The following IGSF3 variants were observed in gnomAD, a reference collection of about 807,000 sequenced individuals.
IGSF3 encodes immunoglobulin superfamily member 3.
In IGSF3, 23 loss-of-function variants were observed where a neutral mutation model predicts 114.4. That is an observed-to-expected ratio of 0.20 (90% CI 0.14 to 0.28). The LOEUF (loss-of-function observed/expected upper bound fraction) is 0.28. Among genes scored for constraint, IGSF3 ranks in the 10% least tolerant of loss-of-function variants. The pLI is 1.00. For missense variants in IGSF3, 1,172 were observed against 1,591.5 expected, an observed-to-expected ratio of 0.74 and a Z score of 4.48; for synonymous variants, 571 against 645.2, an observed-to-expected ratio of 0.88 and a Z score of 1.74.
At position 116,583,603 on chromosome 1, in the gene IGSF3, G is replaced by A. The variant is rs1283224236; in HGVS notation, c.2848+1042C>T. 6.6e-6 allele frequency among the ~76,000 whole-genome samples: 1 copy of A among 152,190 alleles called. No individual in the cohort carries two copies. Among genetic ancestry groups the A allele is most frequent in the Admixed American group, 6.5e-5 (1 of 15,276 alleles). On this transcript the variant is annotated intron_variant, in intron 9 of 10. Coordinates refer to ENST00000369486, the MANE Select transcript of IGSF3 (RefSeq NM_001007237.3). The surrounding 1 kb of genome is among the most constrained non-coding windows in gnomAD (Gnocchi z 4.5). The stretch of plus-strand genomic sequence containing the variant: ...GGTGAAAACTTCCAGTAGTGCCCAA[G>A]GCCACAAATGTGAATGTCAGGATGC...
In IGSF3 at chr1:116,638,943, G is replaced by A. The variant is rs1422420689; in HGVS notation, c.44-22486C>T. Among the ~76,000 whole-genome samples, 3 of 152,128 alleles carry A rather than the reference G, an allele frequency of 2.0e-5. No homozygotes were observed. The highest frequency in any genetic ancestry group is 1.3e-4 in the Admixed American group (2 of 15,276). On this transcript the variant is annotated intron_variant, in intron 2 of 10. Coordinates refer to ENST00000369486, the MANE Select transcript of IGSF3 (RefSeq NM_001007237.3). The surrounding 1 kb of genome is among the most constrained non-coding windows in gnomAD (Gnocchi z 4.1). ...ATGCATGCTGAACCATTCCAGCTGC[G>A]CCACTGCCCAGGAAAAAAGTCACAG...
chr1:116,592,655 G>C lies in IGSF3; in HGVS notation c.2030-3551C>G, dbSNP rs1322601309. Among the ~76,000 whole-genome samples the C allele has an allele frequency of 6.6e-6, 1 of 152,178 alleles. No homozygotes were observed. ...CTACCCTCCCTTCGGATTCCACTCT[G>C]TGCGTGCTCTTCTCACTCAAAACTC... On this transcript the variant is annotated intron_variant, in intron 7 of 10. Coordinates refer to ENST00000369486, the MANE Select transcript of IGSF3 (RefSeq NM_001007237.3). The surrounding 1 kb of genome is among the most constrained non-coding windows in gnomAD (Gnocchi z 4.5).
rs1167980273 is a variant in IGSF3, at chr1:116,594,883, C to A, written c.2029+5058G>T. Reference sequence around the variant, plus strand: ...CCTCCTTCCCAACCTCCCACCCTCACCCCTACCCCATTCCCTCCTCACGCC... The same window carrying A: ...CCTCCTTCCCAACCTCCCACCCTCAACCCTACCCCATTCCCTCCTCACGCC... On this transcript the variant is annotated intron_variant, in intron 7 of 10. Coordinates refer to ENST00000369486, the MANE Select transcript of IGSF3 (RefSeq NM_001007237.3). This position sits in a 1 kb window ranked among gnomAD's most constrained non-coding sequence, Gnocchi z 5.2. 7.9e-5 allele frequency among the ~76,000 whole-genome samples: 12 copies of A among 152,162 alleles called. No homozygotes were observed. Among genetic ancestry groups the A allele is most frequent in the African/African-American group, 2.9e-4 (12 of 41,512 alleles).
At chr1:116,590,747 T>C (rs1431676757) in intron 7 of IGSF3, among the ~76,000 whole-genome samples, 1 of 152,000 alleles carries the variant, frequency 6.6e-6, no homozygotes, top group Non-Finnish European at 1.5e-5. Context: ...TTTGGCAGCA[T>C]CAAGGGTTGA....
rs1376176761 is a variant in IGSF3, at chr1:116,598,995, A to T, written c.2029+946T>A. Reference sequence around the variant, plus strand: ...GAGACAGACTCAGCCTCCATAGAGAAAGGAGCTCAAATTCAGGGCCCATAC... The same window carrying T: ...GAGACAGACTCAGCCTCCATAGAGATAGGAGCTCAAATTCAGGGCCCATAC... On this transcript the variant is annotated intron_variant, in intron 7 of 10. Transcript: ENST00000369486. This position sits in a 1 kb window ranked among gnomAD's most constrained non-coding sequence, Gnocchi z 4.3. Among the ~76,000 whole-genome samples the T allele has an allele frequency of 6.6e-6, 1 of 152,148 alleles. No individual in the cohort carries two copies. Among genetic ancestry groups the T allele is most frequent in the Non-Finnish European group, 1.5e-5 (1 of 68,000 alleles).
rs1661295956 is a variant in IGSF3 at position 116,618,436 on chromosome 1, G to C, written c.44-1979C>G. ...TTTCAATCAATGAGGAAACACATGTGCAACAGTGATCCTGTAAGATTATAA... is the reference window on the plus strand; with the variant it reads ...TTTCAATCAATGAGGAAACACATGTCCAACAGTGATCCTGTAAGATTATAA... On this transcript the variant is annotated intron_variant, in intron 2 of 10. Transcript: ENST00000369486. This position sits in a 1 kb window ranked among gnomAD's most constrained non-coding sequence, Gnocchi z 4.7. 6.6e-6 allele frequency among the ~76,000 whole-genome samples: 1 copy of C among 152,194 alleles called. No homozygotes were observed. The highest frequency in any genetic ancestry group is 1.5e-5 in the Non-Finnish European group (1 of 68,048).
chr1:116,587,454 A>G (rs771996941), intron 8 of IGSF3, among the ~76,000 whole-genome samples: 44 of 152,178 alleles, frequency 2.9e-4, no homozygotes, highest in Admixed American at 1.3e-4. Context: ...ATGAATATCT[A>G]TGGCCAACAT....
chr1:116,638,864 T>C lies in IGSF3; in HGVS notation c.44-22407A>G, dbSNP rs1647952133. The stretch of plus-strand genomic sequence containing the variant: ...GTACCATTCCATCCCCACCTGCAGA[T>C]GAGTATGGCACCCCAAGGTTAAGTA... On this transcript the variant is annotated intron_variant, in intron 2 of 10. Transcript: ENST00000369486. The surrounding 1 kb of genome is among the most constrained non-coding windows in gnomAD (Gnocchi z 4.1). Among the ~76,000 whole-genome samples, 1 of 152,180 alleles carries C rather than the reference T, an allele frequency of 6.6e-6. No homozygotes were observed. The highest frequency in any genetic ancestry group is 2.4e-5 in the African/African-American group (1 of 41,430).
In IGSF3 at chr1:116,649,608, C is replaced by T. The variant is rs897850512; in HGVS notation, c.43+16676G>A. Among the ~76,000 whole-genome samples, 3 of 152,292 alleles carry T rather than the reference C, an allele frequency of 2.0e-5. No homozygotes were observed. The highest frequency in any genetic ancestry group is 1.3e-4 in the Admixed American group (2 of 15,300). On this transcript the variant is annotated intron_variant, in intron 2 of 10. Coordinates refer to ENST00000369486, the MANE Select transcript of IGSF3 (RefSeq NM_001007237.3). This position sits in a 1 kb window ranked among gnomAD's most constrained non-coding sequence, Gnocchi z 4.5. Reference sequence around the variant, plus strand: ...TTACAATCTTCCTTTGACAGCTTCACTCCCTCCCCGCACTGCTATCAACTC... The same window carrying T: ...TTACAATCTTCCTTTGACAGCTTCATTCCCTCCCCGCACTGCTATCAACTC...
chr1:116,637,760 T>C (rs1257545039), intron 2 of IGSF3, among the ~76,000 whole-genome samples: 2 of 152,230 alleles, frequency 1.3e-5, no homozygotes, highest in African/African-American at 2.4e-5. Flanking sequence ...ATCCAGACTG[T>C]TTTTTATCTT....
chr1:116,639,687 G>A (rs1257929433), intron 2 of IGSF3, among the ~76,000 whole-genome samples: 2 of 152,172 alleles, frequency 1.3e-5, no homozygotes, highest in Non-Finnish European at 1.5e-5. Context: ...CTAGCTATAA[G>A]TGTCTGGAAA....
At chr1:116,643,073 G>A (rs1381001472) in intron 2 of IGSF3, among the ~76,000 whole-genome samples, 1 of 152,212 alleles carries the variant, frequency 6.6e-6, no homozygotes, top group Non-Finnish European at 1.5e-5. Context: ...AAAAGGCGCA[G>A]GGGGATGGGG....
chr1:116,647,929 C>A lies in IGSF3; in HGVS notation c.43+18355G>T, dbSNP rs529195248. ...GACCAGCCTGGCCAACATGAAGAAACCCCATCTCTACTACAAATACAAAAA... is the reference window on the plus strand; with the variant it reads ...GACCAGCCTGGCCAACATGAAGAAAACCCATCTCTACTACAAATACAAAAA... On this transcript the variant is annotated intron_variant, in intron 2 of 10. Transcript: ENST00000369486. This position sits in a 1 kb window ranked among gnomAD's most constrained non-coding sequence, Gnocchi z 4.6. Among the ~76,000 whole-genome samples, 1 of 152,308 alleles carries A rather than the reference C, an allele frequency of 6.6e-6. No individual in the cohort carries two copies. Among genetic ancestry groups the A allele is most frequent in the East Asian group, 1.9e-4 (1 of 5,182 alleles).
At chr1:116,659,459 T>A (rs1571198455) in intron 2 of IGSF3, among the ~76,000 whole-genome samples, 1 of 152,332 alleles carries the variant, frequency 6.6e-6, no homozygotes, top group Non-Finnish European at 1.5e-5. Context: ...ACCACTCATT[T>A]CTTTGAAAAT....
intron 2 of IGSF3, among the ~76,000 whole-genome samples, chr1:116,640,547 C>T (rs573865024): frequency 1.3e-5 from 2 of 152,326 alleles, no homozygotes; most frequent in South Asian, 2.1e-4. Context: ...ACACTGTATG[C>T]ACCCTTTTGC....
intron 7 of IGSF3, among the ~76,000 whole-genome samples, chr1:116,591,555 T>C (rs1486078844): frequency 6.6e-6 from 1 of 152,228 alleles, no homozygotes; most frequent in African/African-American, 2.4e-5. Context: ...ATTTCCATTT[T>C]TTTTCCTTCC....
intron 2 of IGSF3, among the ~76,000 whole-genome samples, chr1:116,658,227 A>C (rs1322117969): frequency 6.6e-6 from 1 of 152,002 alleles, no homozygotes; most frequent in Non-Finnish European, 1.5e-5. Context: ...TTTAGTAGAG[A>C]TGGGGTTTCA....
intron 2 of IGSF3, among the ~76,000 whole-genome samples, chr1:116,652,340 G>A (rs1299904556): frequency 6.6e-6 from 1 of 152,142 alleles, no homozygotes; most frequent in African/African-American, 2.4e-5. Context: ...TCTTTATTAG[G>A]CATTCTATTA....
Position 116,594,385 on chromosome 1 carries a change from G to A in IGSF3, c.2030-5281C>T, listed in dbSNP as rs1236118853. ...TATGAATTTCATTTCTGGGTAAAGG[G>A]AACATTATAAATTATTACAAAAATG... On this transcript the variant is annotated intron_variant, in intron 7 of 10. Coordinates refer to ENST00000369486, the MANE Select transcript of IGSF3 (RefSeq NM_001007237.3). This position sits in a 1 kb window ranked among gnomAD's most constrained non-coding sequence, Gnocchi z 5.2. Among the ~76,000 whole-genome samples, 1 of 152,200 alleles carries A rather than the reference G, an allele frequency of 6.6e-6. No homozygotes were observed. The highest frequency in any genetic ancestry group is 2.4e-5 in the African/African-American group (1 of 41,444).
Sources: gnomAD v4.1 joint callset for allele counts (sites outside exome capture counted in the v4.1 genomes callset) on GRCh38, gnomAD v4.1.1 for gene constraint, Gnocchi (gnomAD v3.1) non-coding constraint, MANE v1.5 for transcripts, NCBI Gene and HGNC (gene_info 2026-07-23, HGNC 2026-07-21) for gene names.